KLRG1: variants seen among roughly 807,000 people sequenced by gnomAD.
KLRG1 encodes killer cell lectin like receptor G1, also known as killer cell lectin-like receptor subfamily G member 1.
Under a neutral mutation model 21.8 loss-of-function variants are expected in KLRG1, and 16 were observed. The observed-to-expected ratio is 0.73, with a 90% CI of 0.50 to 1.11. The LOEUF (loss-of-function observed/expected upper bound fraction) is 1.11, where lower values mean the gene tolerates loss of function less well. KLRG1 is among the 50% of genes most tolerant of loss of function. The probability of loss-of-function intolerance (pLI) is 0.00; values close to 1 mark genes in which losing one functional copy is unlikely to be tolerated. For missense variants in KLRG1, 173 were observed against 218.3 expected, an observed-to-expected ratio of 0.79 and a Z score of 1.31; for synonymous variants, 69 against 75.9, an observed-to-expected ratio of 0.91 and a Z score of 0.47.
At chr12:9,158,774 T>TG in the KLRG1 span, among the ~76,000 whole-genome samples, 9 of 109,964 alleles carry the variant, frequency 8.2e-5, no homozygotes, top group Non-Finnish European at 1.7e-4. Context: ...TTTTTTTTTT[T>TG]GCTGCCACAT....
At chr12:9,036,875 G>A in the KLRG1 span, 1 of 416,674 alleles carries the variant, frequency 2.4e-6, no homozygotes, top group Non-Finnish European at 4.8e-6. Flanking sequence ...AGCTGACAAG[G>A]AATAACTGTA....
the KLRG1 span, among the ~76,000 whole-genome samples, chr12:9,194,471 T>G: frequency 1.3e-5 from 2 of 149,300 alleles, no homozygotes; most frequent in Non-Finnish European, 3.0e-5. Flanking sequence ...AGTTTTTTTT[T>G]TTTTTTTTTT....
At chr12:8,964,233 G>A (rs771177773) in intron 1 of KLRG1, among the ~76,000 whole-genome samples, 2 of 152,282 alleles carry the variant, frequency 1.3e-5, no homozygotes, top group Non-Finnish European at 1.5e-5. Context: ...CTGGTATGTC[G>A]TGTCTTTGTT....
the KLRG1 span, chr12:9,098,407 T>G: frequency 3.1e-6 from 1 of 318,558 alleles, no homozygotes; most frequent in Non-Finnish European, 5.3e-6. Flanking sequence ...TTTGTTTATT[T>G]TTTTAACTGC....
chr12:9,163,772 C>T, the KLRG1 span: 1 of 1,611,852 alleles, frequency 6.2e-7, no homozygotes, highest in Non-Finnish European at 8.5e-7. Context: ...TCTGCACTCA[C>T]TGAGAAGTTC....
chr12:9,077,387 A>G, the KLRG1 span: 1 of 1,613,650 alleles, frequency 6.2e-7, no homozygotes, highest in South Asian at 1.1e-5. Context: ...ATGGTGATAT[A>G]GGCGGAGAGG....
At chr12:8,952,218 C>T (rs1011870555) in intron 1 of KLRG1, among the ~76,000 whole-genome samples, 1 of 152,160 alleles carries the variant, frequency 6.6e-6, no homozygotes, top group African/African-American at 2.4e-5. Context: ...GAAAGCAGTT[C>T]TAGGATTGTT....
At chr12:9,029,723 C>G in the KLRG1 span, among the ~76,000 whole-genome samples, 2 of 151,550 alleles carry the variant, frequency 1.3e-5, no homozygotes, top group African/African-American at 2.4e-5. Flanking sequence ...CTTGTATTTT[C>G]CCAAAATTTT....
the KLRG1 span, among the ~76,000 whole-genome samples, chr12:9,104,042 G>A: frequency 6.6e-6 from 1 of 152,176 alleles, no homozygotes; most frequent in East Asian, 1.9e-4. Context: ...CACTGCTAAA[G>A]TCTAACCCGC....
chr12:9,096,428 A>G, the KLRG1 span, among the ~76,000 whole-genome samples: 1 of 152,236 alleles, frequency 6.6e-6, no homozygotes, highest in Non-Finnish European at 1.5e-5. Context: ...CTGACTCAGT[A>G]TATAGCAAAG....
the KLRG1 span, among the ~76,000 whole-genome samples, chr12:9,187,461 A>G: frequency 6.6e-6 from 1 of 152,234 alleles, no homozygotes. Context: ...ATTTAGAAAA[A>G]TGAAATCATA....
chr12:9,156,814 G>A, the KLRG1 span, among the ~76,000 whole-genome samples: 1 of 152,216 alleles, frequency 6.6e-6, no homozygotes, highest in East Asian at 1.9e-4. Context: ...TCTTCTTTTT[G>A]TAGAATCAGT....
the KLRG1 span, among the ~76,000 whole-genome samples, chr12:9,033,148 T>G: frequency 6.6e-6 from 1 of 152,168 alleles, no homozygotes; most frequent in Non-Finnish European, 1.5e-5. Flanking sequence ...ATCAAAAGAT[T>G]GCTGGGGTCT....
At chr12:9,182,232 C>A in the KLRG1 span, 1 of 972,178 alleles carries the variant, frequency 1.0e-6, no homozygotes, top group Non-Finnish European at 1.4e-6. Flanking sequence ...TGCGTCCATT[C>A]ATTCTAATGG....
At chr12:9,001,593 G>A (rs1947310233) in intron 3 of KLRG1, among the ~76,000 whole-genome samples, 1 of 152,138 alleles carries the variant, frequency 6.6e-6, no homozygotes, top group East Asian at 1.9e-4. Flanking sequence ...CCCTGGCCGT[G>A]GACATATGTA....
chr12:9,116,541 G>T, the KLRG1 span, among the ~76,000 whole-genome samples: 1 of 152,140 alleles, frequency 6.6e-6, no homozygotes, highest in Non-Finnish European at 1.5e-5. Context: ...AACAAATTTT[G>T]ACCTATTGTG....
chr12:9,195,260 T>A, the KLRG1 span, among the ~76,000 whole-genome samples: 1 of 152,112 alleles, frequency 6.6e-6, no homozygotes, highest in Admixed American at 6.5e-5. Flanking sequence ...AAAAATACAT[T>A]AGAAGATATT....
chr12:9,150,499 T>C, the KLRG1 span: 21 of 562,630 alleles, frequency 3.7e-5, no homozygotes, highest in East Asian at 5.0e-4. Flanking sequence ...GGCCAGACTG[T>C]AGTAAGTCGT....
chr12:9,086,687 A>G, the KLRG1 span, among the ~76,000 whole-genome samples: 3 of 152,230 alleles, frequency 2.0e-5, no homozygotes, highest in Non-Finnish European at 4.4e-5. Flanking sequence ...TTACATATTT[A>G]ACAGTGGAAA....
Sources: allele counts gnomAD v4.1 joint callset (sites outside exome capture counted in the v4.1 genomes callset), GRCh38; gene constraint gnomAD v4.1.1; transcripts MANE v1.5; gene names NCBI Gene and HGNC (gene_info 2026-07-23, HGNC 2026-07-21).